TRMT5: variants seen among roughly 807,000 people sequenced by gnomAD.
TRMT5 encodes tRNA (guanine(37)-N(1))-methyltransferase.
Under a neutral mutation model 42.2 loss-of-function variants are expected in TRMT5, and 31 were observed. That is an observed-to-expected ratio of 0.73 (90% CI 0.55 to 0.99). The LOEUF (loss-of-function observed/expected upper bound fraction) is 0.99. TRMT5 is among the 50% of genes least tolerant of loss of function. TRMT5 has a pLI of 0.00. For missense variants in TRMT5, 568 were observed against 595.0 expected (o/e 0.95, Z 0.47); for synonymous variants, 198 against 209.6 (o/e 0.94, Z 0.48).
At position 60,979,308 on chromosome 14, in the gene TRMT5, G is replaced by A. The variant is rs774976195; in HGVS notation, c.590C>T (p.Thr197Ile). 6.2e-7 allele frequency: 1 copy of A among 1,613,982 alleles called. No homozygotes were observed. Among genetic ancestry groups the A allele is most frequent in the Non-Finnish European group, 8.5e-7 (1 of 1,180,004 alleles). Residue 197 changes from threonine to isoleucine, a missense_variant, in exon 2 of 5, where the codon ACT (threonine) becomes ATT (isoleucine). Physicochemically the swap from Thr to Ile is moderately conservative, Grantham distance 89. Transcript: ENST00000261249. ...RAVLPEGQDV[T>I]SGFSRIGHIA... The stretch of plus-strand genomic sequence containing the variant: ...ATGTCCAATCCTGCTAAACCCTGAA[G>A]TTACATCTTGACCTTCAGGAAGCAC...
Position 60,979,408 on chromosome 14 carries a change from C to T in TRMT5, c.490G>A (p.Val164Ile). 4 of 1,614,100 alleles carry T rather than the reference C, an allele frequency of 2.5e-6. No individual in the cohort carries two copies. Among genetic ancestry groups the T allele is most frequent in the Non-Finnish European group, 2.5e-6 (3 of 1,180,014 alleles). The change falls in exon 2 of 5, where the codon GTC becomes ATC. Residue 164 changes from valine (V) to isoleucine (I), a missense_variant. Coordinates refer to ENST00000261249, the MANE Select transcript of TRMT5 (RefSeq NM_020810.3). ...TTGTATTTAGAGATCTGTGGACTGA[C>T]ATTAAGCTGCTCTAAAACACTGAGT... Reference protein sequence around the residue: ...AELSVLEQLNVSPQISKYNLE... With the variant: ...AELSVLEQLNISPQISKYNLE...
Position 60,976,106 on chromosome 14 carries a change from G to A in TRMT5, c.813C>T (p.Thr271=), listed in dbSNP as rs2036843567. The change falls in exon 4 of 5, where the codon ACC becomes ACT. Residue 271 remains threonine, a synonymous_variant. Coordinates refer to ENST00000261249, the MANE Select transcript of TRMT5 (RefSeq NM_020810.3). ...AGACTTTTGAAAAATCAAATTCATA[G>A]GTGTAGTTGTTTTCTCGAACCTGAA... ...MMTKVRENNY[T]YEFDFSKVYW... is the part of the protein sequence containing the mutation. 6.2e-7 allele frequency: 1 copy of A among 1,604,066 alleles called. No homozygotes were observed. The highest frequency in any genetic ancestry group is 8.5e-7 in the Non-Finnish European group (1 of 1,175,308).
At position 60,979,435 on chromosome 14, in the gene TRMT5, C is replaced by A; in HGVS notation, c.463G>T (p.Glu155Ter). 1 of 1,614,162 alleles carries A rather than the reference C, an allele frequency of 6.2e-7. No homozygotes were observed. The highest frequency in any genetic ancestry group is 8.5e-7 in the Non-Finnish European group (1 of 1,180,004). Residue 155 changes from glutamate to a stop codon, truncating the protein, a stop_gained, in exon 2 of 5, where the codon GAA (glutamate) becomes TAA (stop). Transcript: ENST00000261249. LOFTEE classifies it high-confidence loss of function. ...TTAAGCTGCTCTAAAACACTGAGTTCTGCTTTCTCAAAGGAATCATGAGTA... is the reference window on the plus strand; with the variant it reads ...TTAAGCTGCTCTAAAACACTGAGTTATGCTTTCTCAAAGGAATCATGAGTA... ...IFTHDSFEKA[E>*]LSVLEQLNVS... is the part of the protein sequence containing the mutation.
Position 60,979,717 on chromosome 14 carries a change from G to A in TRMT5, c.181C>T (p.Pro61Ser), listed in dbSNP as rs1447190488. ...LGQRKRFSTM[P>S]ETETHERETE... ...TCTCTCTCATGTGTTTCTGTTTCTG[G>A]CATGGTTGAGAATCTTTTTCTTTGA... Residue 61 changes from proline (P) to serine (S), a missense_variant, in exon 2 of 5, where the codon CCA (proline) becomes TCA (serine). Pro to Ser is a moderately conservative substitution (Grantham distance 74, BLOSUM62 -1). Transcript: ENST00000261249. 19 of 1,613,986 alleles carry A rather than the reference G, an allele frequency of 1.2e-5. No homozygotes were observed. The East Asian group carries it at 4.2e-4, about 36-fold the overall frequency.
chr14:60,977,535 T>C lies in TRMT5; in HGVS notation c.771A>G (p.Gly257=). The part of the protein sequence containing the change: ...YRNFQMEVLS[G]EQNMMTKVRE... Reference sequence around the variant, plus strand: ...ATACCTTTGTCATCATGTTCTGCTCTCCAGATAGCACTTCCATTTGGAAAT... The same window carrying C: ...ATACCTTTGTCATCATGTTCTGCTCCCCAGATAGCACTTCCATTTGGAAAT... Residue 257 remains glycine (G), a synonymous_variant, in exon 3 of 5, where the codon GGA becomes GGG. Coordinates refer to ENST00000261249, the MANE Select transcript of TRMT5 (RefSeq NM_020810.3). 1 of 1,610,990 alleles carries C rather than the reference T, an allele frequency of 6.2e-7. No individual in the cohort carries two copies. The highest frequency in any genetic ancestry group is 2.2e-5 in the East Asian group (1 of 44,732).
rs201318503 is a variant in TRMT5 at position 60,979,437 on chromosome 14, G to C, written c.461C>G (p.Ala154Gly). 9 of 1,614,138 alleles carry C rather than the reference G, an allele frequency of 5.6e-6. No homozygotes were observed. The highest frequency in any genetic ancestry group is 2.2e-5 in the South Asian group (2 of 91,078). The change falls in exon 2 of 5, where the codon GCA becomes GGA. Residue 154 changes from alanine to glycine, a missense_variant. Physicochemically the swap from Ala to Gly is moderately conservative, Grantham distance 60. Transcript: ENST00000261249. ...AAGCTGCTCTAAAACACTGAGTTCTGCTTTCTCAAAGGAATCATGAGTAAA... is the reference window on the plus strand; with the variant it reads ...AAGCTGCTCTAAAACACTGAGTTCTCCTTTCTCAAAGGAATCATGAGTAAA... ...KIFTHDSFEK[A>G]ELSVLEQLNV...
At position 60,974,746 on chromosome 14, in the gene TRMT5, T is replaced by G. The variant is rs2036820608; in HGVS notation, c.*363A>C. On this transcript the variant is annotated 3_prime_UTR_variant, in exon 5 of 5. Coordinates refer to ENST00000261249, the MANE Select transcript of TRMT5 (RefSeq NM_020810.3). Reference sequence around the variant, plus strand: ...TATTACTTTTATGGTGATAGTTAATTGGCAGTAAAGGAGTAGTTACGTAAA... The same window carrying G: ...TATTACTTTTATGGTGATAGTTAATGGGCAGTAAAGGAGTAGTTACGTAAA... The G allele has an allele frequency of 6.5e-6, 1 of 153,778 alleles. No individual in the cohort carries two copies. Among genetic ancestry groups the G allele is most frequent in the Non-Finnish European group, 1.4e-5 (1 of 69,122 alleles). 9.5% of individuals were successfully genotyped at this position (153,778 alleles called of 1,614,324 possible). A position where few individuals can be genotyped will look rare whatever the true frequency, so the allele number is the denominator to read the frequency against.
rs2036866303 is a variant in TRMT5, at chr14:60,977,804, G to T, written c.668-166C>A. 2.6e-5 allele frequency among the ~76,000 whole-genome samples: 4 copies of T among 152,324 alleles called. No individual in the cohort carries two copies. The South Asian group carries it at 8.3e-4, about 32-fold the overall frequency. On this transcript the variant is annotated intron_variant, in intron 2 of 4. Coordinates refer to ENST00000261249, the MANE Select transcript of TRMT5 (RefSeq NM_020810.3). ...TTAAAAAATTCAACAGATGACTAAAGTTAATGTCTGACGGTTGCTAATATG... is the reference window on the plus strand; with the variant it reads ...TTAAAAAATTCAACAGATGACTAAATTTAATGTCTGACGGTTGCTAATATG...
intron 3 of TRMT5, 98 bp from the exon 4 acceptor site, chr14:60,976,224 C>T: frequency 2.9e-6 from 4 of 1,373,290 alleles, no homozygotes; most frequent in Non-Finnish European, 3.9e-6. Flanking sequence ...CAAACACATA[C>T]ACATTTAAGT....
chr14:60,979,907 AT>A (rs1388198703), intron 1 of TRMT5, 21 bp from the exon 2 acceptor site: 1 of 1,487,196 alleles, frequency 6.7e-7, no homozygotes, highest in South Asian at 1.3e-5. Flanking sequence ...AAAAAAAAAA[AT>A]TCACACACGA....
intron 4 of TRMT5, 67 bp from the exon 5 acceptor site, chr14:60,975,261 AAAC>A (rs2036828224): frequency 1.4e-6 from 2 of 1,420,444 alleles, no homozygotes; most frequent in Admixed American, 4.5e-5. Flanking sequence ...TTAAAAAAAC[AAAC>A]AATATAGGCA....
At chr14:60,980,627 A>C (rs1393006423) in intron 1 of TRMT5, among the ~76,000 whole-genome samples, 1 of 152,224 alleles carries the variant, frequency 6.6e-6, no homozygotes, top group African/African-American at 2.4e-5. Context: ...CTAAAATACC[A>C]AAGAATTTAC....
chr14:60,981,028 C>G lies in TRMT5; in HGVS notation c.-55G>C, dbSNP rs76739747. ...ATCCGCGAGCCGACCCCTCACCTCCCGCTCCGGTACCGATCGGATGTGGGT... is the reference window on the plus strand; with the variant it reads ...ATCCGCGAGCCGACCCCTCACCTCCGGCTCCGGTACCGATCGGATGTGGGT... On this transcript the variant is annotated 5_prime_UTR_variant, in exon 1 of 5. Transcript: ENST00000261249. 4 of 1,610,470 alleles carry G rather than the reference C, an allele frequency of 2.5e-6. No homozygotes were observed. The highest frequency in any genetic ancestry group is 1.1e-5 in the South Asian group (1 of 91,084).
chr14:60,980,022 A>G, intron 1 of TRMT5, 136 bp from the exon 2 acceptor site: 2 of 1,009,246 alleles, frequency 2.0e-6, no homozygotes, highest in Non-Finnish European at 2.8e-6. Flanking sequence ...TATCTTTTCC[A>G]GACTAGGATG....
At position 60,979,881 on chromosome 14, in the gene TRMT5, A is replaced by G; in HGVS notation, c.17T>C (p.Leu6Ser). 6.5e-7 allele frequency: 1 copy of G among 1,527,942 alleles called. No homozygotes were observed. The allele number at this position is 1,527,942 out of a possible 1,614,324, so 94.6% of individuals were successfully genotyped here. ...TCCTGAGAATCCAAATGGCCTCCAT[A>G]AGATCCTTAAAAAAAAAAAAAAAAA... MVLWI[L>S]WRPFGFSGRF... Residue 6 changes from leucine to serine, a missense_variant, in exon 2 of 5, where the codon TTA (leucine) becomes TCA (serine). Physicochemically the swap from Leu to Ser is moderately radical, Grantham distance 145. Coordinates refer to ENST00000261249, the MANE Select transcript of TRMT5 (RefSeq NM_020810.3).
In TRMT5 at chr14:60,972,518, G is replaced by A; in HGVS notation, c.*2591C>T. 2 of 452,056 alleles carry A rather than the reference G, an allele frequency of 4.4e-6. No individual in the cohort carries two copies. Among genetic ancestry groups the A allele is most frequent in the Non-Finnish European group, 4.4e-6 (1 of 228,236 alleles). 28.0% of individuals were successfully genotyped at this position (452,056 alleles called of 1,614,324 possible). On this transcript the variant is annotated 3_prime_UTR_variant, in exon 5 of 5. Coordinates refer to ENST00000261249, the MANE Select transcript of TRMT5 (RefSeq NM_020810.3). Reference sequence around the variant, plus strand: ...GGCACCGGGTGTGGGACGCAGCAGCGCGCGGGCTTTGGTCGGTCCAGGGGT... The same window carrying A: ...GGCACCGGGTGTGGGACGCAGCAGCACGCGGGCTTTGGTCGGTCCAGGGGT...
At position 60,979,787 on chromosome 14, in the gene TRMT5, G is replaced by A. The variant is rs770999990; in HGVS notation, c.111C>T (p.Ser37=). The change falls in exon 2 of 5, where the codon TCC becomes TCT. Residue 37 remains serine (S), a synonymous_variant. Coordinates refer to ENST00000261249, the MANE Select transcript of TRMT5 (RefSeq NM_020810.3). ...GTGCTTCCAAAAGCATCTGTGTCAG[G>A]GATGTCCAAGCTACTGGAATCAACG... ...SKSLIPVAWT[S]LTQMLLEAPG... is the part of the protein sequence containing the mutation. 10 of 1,613,732 alleles carry A rather than the reference G, an allele frequency of 6.2e-6. No individual in the cohort carries two copies. The East Asian group carries it at 2.0e-4, about 32-fold the overall frequency.
Position 60,972,779 on chromosome 14 carries a change from C to T in TRMT5, c.*2330G>A, listed in dbSNP as rs1480342357. Reference sequence around the variant, plus strand: ...GGTAATAAGATTTTACACATTTCATCTTTAAAAATGTCTTCTCATACAGAT... The same window carrying T: ...GGTAATAAGATTTTACACATTTCATTTTTAAAAATGTCTTCTCATACAGAT... On this transcript the variant is annotated 3_prime_UTR_variant, in exon 5 of 5. Coordinates refer to ENST00000261249, the MANE Select transcript of TRMT5 (RefSeq NM_020810.3). 5 of 180,160 alleles carry T rather than the reference C, an allele frequency of 2.8e-5. No individual in the cohort carries two copies. Among genetic ancestry groups the T allele is most frequent in the African/African-American group, 4.8e-5 (2 of 41,668 alleles). 11.2% of individuals were successfully genotyped at this position (180,160 alleles called of 1,614,324 possible).
rs777255651 is a variant in TRMT5 at position 60,980,949 on chromosome 14, G to C, written c.11+14C>G. The C allele has an allele frequency of 1.2e-6, 2 of 1,612,442 alleles. No individual in the cohort carries two copies. The highest frequency in any genetic ancestry group is 1.7e-6 in the Non-Finnish European group (2 of 1,180,024). On this transcript the variant is annotated intron_variant, in intron 1 of 4. Coordinates refer to ENST00000261249, the MANE Select transcript of TRMT5 (RefSeq NM_020810.3). ...CCCCTGGACCATTAGCCCCTAACGC[G>C]GCCGCCACCTCACCAAAGCACCATT...
Sources: gnomAD v4.1 joint callset for allele counts (sites outside exome capture counted in the v4.1 genomes callset) on GRCh38, gnomAD v4.1.1 for gene constraint, MANE v1.5 for transcripts, NCBI Gene and HGNC (gene_info 2026-07-23, HGNC 2026-07-21) for gene names.